Variants in IBTK observed in about 807,000 individuals in gnomAD.
The protein encoded by IBTK is BTK-binding protein.
In IBTK, 83 loss-of-function variants were observed where a neutral mutation model predicts 154.9. The ratio of observed to expected loss-of-function variants is 0.54; its 90% CI spans 0.45 to 0.64. The LOEUF is 0.64. Among genes scored for constraint, IBTK ranks in the 30% least tolerant of loss-of-function variants. The pLI, the probability that IBTK is intolerant of heterozygous loss-of-function variation, is 0.00. For missense variants in IBTK, 1,332 were observed against 1,584.6 expected (o/e 0.84, Z 2.71); for synonymous variants, 515 against 536.1 (o/e 0.96, Z 0.54).
chr6:82,217,741 G>A (rs560633628), intron 10 of IBTK, among the ~76,000 whole-genome samples: 201 of 152,190 alleles, frequency 1.3e-3, no homozygotes, highest in African/African-American at 2.9e-3. Context: ...ACTACAATGC[G>A]CCAGGAAATA....
At chr6:82,235,691 TTTC>T (rs1325605115) in intron 2 of IBTK, among the ~76,000 whole-genome samples, 1 of 152,244 alleles carries the variant, frequency 6.6e-6, no homozygotes, top group African/African-American at 2.4e-5. Context: ...TGAGGAATTT[TTTC>T]TTATTTATAA....
chr6:82,235,403 G>C (rs1481286080), intron 2 of IBTK, among the ~76,000 whole-genome samples: 1 of 152,032 alleles, frequency 6.6e-6, no homozygotes, highest in Non-Finnish European at 1.5e-5. Flanking sequence ...ACGTCAGCCT[G>C]GCCAACATGC....
At chr6:82,231,088 G>C (rs544048681) in intron 4 of IBTK, among the ~76,000 whole-genome samples, 1 of 152,110 alleles carries the variant, frequency 6.6e-6, no homozygotes, top group Non-Finnish European at 1.5e-5. Context: ...TTTATTGCTT[G>C]TCAGTGTGAA....
intron 13 of IBTK, 65 bp from the exon 14 acceptor site, chr6:82,211,637 G>C: frequency 1.5e-6 from 2 of 1,337,418 alleles, no homozygotes; most frequent in South Asian, 2.4e-5. Context: ...AAAGATTATA[G>C]GATTTGGCTT....
Position 82,170,022 on chromosome 6 carries a change from G to C in IBTK, c.*1403C>G, listed in dbSNP as rs1048810579. 2.0e-5 allele frequency: 3 copies of C among 152,138 alleles called. No individual in the cohort carries two copies. The highest frequency in any genetic ancestry group is 7.2e-5 in the African/African-American group (3 of 41,428). 9.4% of individuals were successfully genotyped at this position (152,138 alleles called of 1,614,324 possible). Reference sequence around the variant, plus strand: ...AGGCTTCTTTACTGCAACATCAATAGAACATTTATAAAATTCATTTCTCAA... The same window carrying C: ...AGGCTTCTTTACTGCAACATCAATACAACATTTATAAAATTCATTTCTCAA... On this transcript the variant is annotated 3_prime_UTR_variant, in exon 29 of 29. Coordinates refer to ENST00000306270, the MANE Select transcript of IBTK (RefSeq NM_015525.4).
At chr6:82,197,183 T>TA (rs1769022168) in intron 21 of IBTK, among the ~76,000 whole-genome samples, 1 of 152,180 alleles carries the variant, frequency 6.6e-6, no homozygotes, top group African/African-American at 2.4e-5. Flanking sequence ...CAAAATAAGC[T>TA]ATAAAATAAA....
At chr6:82,210,043 A>G (rs117075403) in intron 16 of IBTK, among the ~76,000 whole-genome samples, 2,126 of 152,334 alleles carry the variant, frequency 0.014, 21 homozygotes, top group Middle Eastern at 0.044. Context: ...AACTAATGGA[A>G]TATGACAGAA....
chr6:82,196,338 G>A lies in IBTK; in HGVS notation c.3134C>T (p.Ser1045Phe). 2 of 1,609,052 alleles carry A rather than the reference G, an allele frequency of 1.2e-6. No homozygotes were observed. The highest frequency in any genetic ancestry group is 2.2e-5 in the South Asian group (2 of 89,888). The change falls in exon 22 of 29, where the codon TCC becomes TTC. Residue 1045 changes from serine (S) to phenylalanine (F), a missense_variant. Around this residue, in one of 3 missense-constraint regions of IBTK, gnomAD observed 1,134 missense variants for 1,274.7 expected, o/e 0.89. Coordinates refer to ENST00000306270, the MANE Select transcript of IBTK (RefSeq NM_015525.4). Reference sequence around the variant, plus strand: ...ATGAAATCCTGTTGTGAAATCAGGGGACTGTAAATCTCTAGGACTACCCAC... The same window carrying A: ...ATGAAATCCTGTTGTGAAATCAGGGAACTGTAAATCTCTAGGACTACCCAC... The part of the protein sequence containing the change: ...AGVGSPRDLQ[S>F]PDFTTGFHSD...
chr6:82,183,224 A>C (rs558492639), intron 25 of IBTK, among the ~76,000 whole-genome samples: 1 of 152,318 alleles, frequency 6.6e-6, no homozygotes, highest in African/African-American at 2.4e-5. Flanking sequence ...AGCCTGGCCA[A>C]CATGATGAAA....
intron 25 of IBTK, among the ~76,000 whole-genome samples, chr6:82,187,853 C>T (rs1328747213): frequency 6.6e-6 from 1 of 152,092 alleles, no homozygotes; most frequent in Admixed American, 6.6e-5. Flanking sequence ...GATTCAAAGT[C>T]ACTAGTAATA....
chr6:82,183,507 T>C (rs184408846), intron 25 of IBTK, among the ~76,000 whole-genome samples: 2 of 152,238 alleles, frequency 1.3e-5, no homozygotes, highest in Non-Finnish European at 2.9e-5. Context: ...TAGACAAATA[T>C]CTTTTTTAAA....
intron 17 of IBTK, among the ~76,000 whole-genome samples, chr6:82,204,468 T>C (rs1246314863): frequency 1.3e-5 from 2 of 152,114 alleles, no homozygotes; most frequent in Non-Finnish European, 2.9e-5. Context: ...ATGGGAAAGT[T>C]AAATTTTTAA....
At chr6:82,219,341 A>C (rs755790231) in intron 9 of IBTK, among the ~76,000 whole-genome samples, 1 of 152,180 alleles carries the variant, frequency 6.6e-6, no homozygotes, top group Non-Finnish European at 1.5e-5. Context: ...ATATATGCCT[A>C]TAATGACCCA....
chr6:82,244,777 T>TA (rs1470037954), intron 1 of IBTK, among the ~76,000 whole-genome samples: 1 of 152,086 alleles, frequency 6.6e-6, no homozygotes, highest in Non-Finnish European at 1.5e-5. Context: ...ACCTAATACA[T>TA]ACGGAATGCT....
At chr6:82,191,044 T>C in intron 25 of IBTK, 29 bp downstream of exon 25, 7 of 1,465,356 alleles carry the variant, frequency 4.8e-6, no homozygotes, top group Non-Finnish European at 6.3e-6. Context: ...CACAAATCTA[T>C]ATTAATTTTA....
chr6:82,207,802 A>C (rs4706939), intron 16 of IBTK, among the ~76,000 whole-genome samples: 36,313 of 152,090 alleles, frequency 0.24, 4,396 homozygotes, highest in African/African-American at 0.28. Flanking sequence ...ATTTTTGACA[A>C]AGGTGCTAAA....
chr6:82,202,461 T>C (rs1769244369), intron 18 of IBTK, 67 bp downstream of exon 18: 2 of 836,254 alleles, frequency 2.4e-6, no homozygotes, highest in Non-Finnish European at 4.1e-6. Context: ...AAATCACTAA[T>C]AATATCTGCT....
intron 23 of IBTK, among the ~76,000 whole-genome samples, chr6:82,193,541 A>T (rs558812685): frequency 6.6e-6 from 1 of 152,212 alleles, no homozygotes; most frequent in African/African-American, 2.4e-5. Context: ...TTTCAAAAGA[A>T]TTAAACAGTC....
At chr6:82,199,652 T>C (rs1769125798) in intron 21 of IBTK, among the ~76,000 whole-genome samples, 1 of 152,172 alleles carries the variant, frequency 6.6e-6, no homozygotes, top group Non-Finnish European at 1.5e-5. Context: ...GAAAGAGTAG[T>C]CTTTCTAAAA....
Sources: gnomAD v4.1 joint callset for allele counts (sites outside exome capture counted in the v4.1 genomes callset) on GRCh38, gnomAD v4.1.1 for gene constraint, gnomAD v4.1.1 regional missense constraint, MANE v1.5 for transcripts, NCBI Gene and HGNC (gene_info 2026-07-23, HGNC 2026-07-21) for gene names.